The following FRAS1 variants were observed in gnomAD, a reference collection of about 807,000 sequenced individuals.
FRAS1 encodes Fraser extracellular matrix complex subunit 1.
A neutral mutation model predicts 435.2 loss-of-function variants in FRAS1; 290 were observed. The ratio of observed to expected loss-of-function variants is 0.67; its 90% CI spans 0.61 to 0.73. The LOEUF (loss-of-function observed/expected upper bound fraction) is 0.73, where lower values mean the gene tolerates loss of function less well. Among genes scored for constraint, FRAS1 ranks in the 30% least tolerant of loss-of-function variants. FRAS1 has a pLI of 0.00. For missense variants in FRAS1, 4,860 were observed against 5,001.5 expected, an observed-to-expected ratio of 0.97 and a Z score of 0.85; for synonymous variants, 1,800 against 1,851.0, an observed-to-expected ratio of 0.97 and a Z score of 0.71.
chr4:78,209,612 C>A lies in FRAS1; in HGVS notation c.109-27898C>A, dbSNP rs938748502. ...GTCAATAGTCTATATCTTATACTTT[C>A]CTTGGGTCCCCAGTTGGAGTGAGCC... On this transcript the variant is annotated intron_variant, in intron 2 of 73. Coordinates refer to ENST00000512123, the MANE Select transcript of FRAS1 (RefSeq NM_025074.7). Among the ~76,000 whole-genome samples, 10 of 152,230 alleles carry A rather than the reference C, an allele frequency of 6.6e-5. No individual in the cohort carries two copies. The East Asian group carries it at 1.9e-3, about 29-fold the overall frequency.
chr4:78,164,708 A>G (rs1721269370), intron 2 of FRAS1, among the ~76,000 whole-genome samples: 1 of 152,180 alleles, frequency 6.6e-6, no homozygotes, highest in Admixed American at 6.5e-5. Context: ...CTTAGTTAAT[A>G]TCTTTTTCCT....
chr4:78,073,491 G>A (rs946899042), intron 2 of FRAS1, among the ~76,000 whole-genome samples: 1 of 152,100 alleles, frequency 6.6e-6, no homozygotes, highest in Admixed American at 6.6e-5. Flanking sequence ...TTAAGTTTGT[G>A]ACATTTTCAC....
intron 20 of FRAS1, among the ~76,000 whole-genome samples, chr4:78,360,725 A>C (rs1731043769): frequency 6.6e-6 from 1 of 152,156 alleles, no homozygotes; most frequent in Admixed American, 6.5e-5. Context: ...CTGCTGGGTG[A>C]GGGGGAAGGA....
In FRAS1 at chr4:78,057,938, G is replaced by T. The variant is rs1426560299; in HGVS notation, c.-72G>T. On this transcript the variant is annotated 5_prime_UTR_variant, in exon 1 of 74. Transcript: ENST00000512123. This position sits in a 1 kb window ranked among gnomAD's most constrained non-coding sequence, Gnocchi z 4.2. ...GTGCGCCCGGGTTCCAAGCGCCGGA[G>T]CCAGCGTTTTGGCGGAGCCGCTTCT... 1 of 1,470,886 alleles carries T rather than the reference G, an allele frequency of 6.8e-7. No individual in the cohort carries two copies. The highest frequency in any genetic ancestry group is 1.4e-5 in the African/African-American group (1 of 71,882). The allele number at this position is 1,470,886 out of a possible 1,614,324, so 91.1% of individuals were successfully genotyped here.
chr4:78,369,982 A>G lies in FRAS1; in HGVS notation c.2867A>G (p.Lys956Arg). ...YYLDFSTNTCKECDWSCSACS... is the reference protein window; with the variant it reads ...YYLDFSTNTCRECDWSCSACS... ...CTTGACTTCTCCACCAACACGTGCA[A>G]AGGTAAAGCTCTTCCTGAATTGTGT... is the stretch of plus-strand genomic sequence containing the variant. Residue 956 changes from lysine to arginine, a missense_variant and splice_region_variant, in exon 23 of 74, where the codon AAA (lysine) becomes AGA (arginine). By Grantham distance (26) the Lys-to-Arg change is conservative. Coordinates refer to ENST00000512123, the MANE Select transcript of FRAS1 (RefSeq NM_025074.7). 1 of 1,612,836 alleles carries G rather than the reference A, an allele frequency of 6.2e-7. No homozygotes were observed. Among genetic ancestry groups the G allele is most frequent in the South Asian group, 1.1e-5 (1 of 90,836 alleles).
rs1251960424 is a variant in FRAS1 at position 78,215,057 on chromosome 4, A to G, written c.109-22453A>G. 2.0e-5 allele frequency among the ~76,000 whole-genome samples: 3 copies of G among 152,180 alleles called. No individual in the cohort carries two copies. In the East Asian group the frequency reaches 5.8e-4, roughly 29 times the overall value. On this transcript the variant is annotated intron_variant, in intron 2 of 73. Coordinates refer to ENST00000512123, the MANE Select transcript of FRAS1 (RefSeq NM_025074.7). ...GCTAAGTGTCAAGATGCAGAGAGAA[A>G]TGAGGTTTGGGGTACACCTGATGGC... is the stretch of plus-strand genomic sequence containing the variant.
intron 2 of FRAS1, among the ~76,000 whole-genome samples, chr4:78,152,799 G>A (rs563113374): frequency 6.6e-6 from 1 of 151,934 alleles, no homozygotes; most frequent in South Asian, 2.1e-4. Context: ...TTGCTCCTTT[G>A]GTTGGATCTA....
At chr4:78,533,594 G>A (rs1341852317) in intron 70 of FRAS1, among the ~76,000 whole-genome samples, 1 of 152,374 alleles carries the variant, frequency 6.6e-6, no homozygotes, top group East Asian at 1.9e-4. Context: ...TGCGTTGCAT[G>A]ATAGATGTAG....
intron 29 of FRAS1, among the ~76,000 whole-genome samples, chr4:78,390,651 A>G (rs907488648): frequency 6.6e-6 from 1 of 152,228 alleles, no homozygotes; most frequent in Non-Finnish European, 1.5e-5. Flanking sequence ...ATCTTGTTAC[A>G]AGTGAGAGTA....
chr4:78,534,710 C>A, intron 71 of FRAS1, 95 bp downstream of exon 71: 1 of 1,123,062 alleles, frequency 8.9e-7, no homozygotes, highest in Non-Finnish European at 1.3e-6. Flanking sequence ...CATATGCTCT[C>A]AGTCACCACC....
At chr4:78,394,299 AAGGAGAATTTCCCCT>A in intron 29 of FRAS1, among the ~76,000 whole-genome samples, 1 of 151,946 alleles carries the variant, frequency 6.6e-6, no homozygotes, top group East Asian at 1.9e-4. Context: ...GACCTATATC[AAGGAGAATTTCCCCT>A]ATGTTTTCTT....
intron 20 of FRAS1, among the ~76,000 whole-genome samples, chr4:78,360,812 G>T (rs1415349866): frequency 6.6e-6 from 1 of 152,176 alleles, no homozygotes; most frequent in Non-Finnish European, 1.5e-5. Context: ...GAGATCCCAA[G>T]ATCAGATAAA....
intron 2 of FRAS1, among the ~76,000 whole-genome samples, chr4:78,218,513 T>C (rs1723902059): frequency 6.6e-6 from 1 of 152,202 alleles, no homozygotes; most frequent in African/African-American, 2.4e-5. Context: ...GATCATCAAG[T>C]GCATACTGTT....
In FRAS1 at chr4:78,286,539, G is replaced by C; in HGVS notation, c.1534G>C (p.Val512Leu). Residue 512 changes from valine (V) to leucine (L), a missense_variant and splice_region_variant, in exon 14 of 74, where the codon GTC becomes CTC. By Grantham distance (32) the Val-to-Leu change is conservative. Transcript: ENST00000512123. ...GFYQDRHSCAVCHESCAGCWG... is the reference protein window; with the variant it reads ...GFYQDRHSCALCHESCAGCWG... Reference sequence around the variant, plus strand: ...CTACCAAGATCGCCATTCCTGTGCAGGTAATCTCTGGCTGGGCCACAGTTG... The same window carrying C: ...CTACCAAGATCGCCATTCCTGTGCACGTAATCTCTGGCTGGGCCACAGTTG... The C allele has an allele frequency of 6.2e-7, 1 of 1,611,278 alleles. No homozygotes were observed. The highest frequency in any genetic ancestry group is 2.2e-5 in the East Asian group (1 of 44,850).
At chr4:78,245,769 G>A (rs1360749899) in intron 4 of FRAS1, among the ~76,000 whole-genome samples, 3 of 152,096 alleles carry the variant, frequency 2.0e-5, no homozygotes, top group African/African-American at 7.2e-5. Flanking sequence ...CTAGAACCCT[G>A]GTCTTCTGAC....
Position 78,338,719 on chromosome 4 carries a change from G to A in FRAS1, c.2422+902G>A, listed in dbSNP as rs548087498. Among the ~76,000 whole-genome samples the A allele has an allele frequency of 7.2e-5, 11 of 152,296 alleles. No homozygotes were observed. The South Asian group carries it at 8.3e-4, about 11-fold the overall frequency. On this transcript the variant is annotated intron_variant, in intron 20 of 73. Transcript: ENST00000512123. ...CTGGAGCAGGGAAGAGGCATGGCCA[G>A]TTGTCTAGATCACAGTATCCAGCAG...
At chr4:78,476,333 G>A (rs541281947) in intron 54 of FRAS1, among the ~76,000 whole-genome samples, 12 of 152,130 alleles carry the variant, frequency 7.9e-5, no homozygotes, top group Non-Finnish European at 1.5e-4. Context: ...GGTAATTAAA[G>A]GTGGCAATGA....
At chr4:78,180,966 T>A (rs1327090735) in intron 2 of FRAS1, 9 of 1,610,460 alleles carry the variant, frequency 5.6e-6, no homozygotes, top group Middle Eastern at 1.7e-4. Flanking sequence ...ACCACGCCCA[T>A]GTCCACCTTG....
chr4:78,418,976 C>CATGA lies in FRAS1; in HGVS notation c.4454_4455insTGAA (p.Gln1485HisfsTer12). 1.2e-6 allele frequency: 2 copies of CATGA among 1,604,272 alleles called. No homozygotes were observed. Among genetic ancestry groups the CATGA allele is most frequent in the Non-Finnish European group, 1.7e-6 (2 of 1,175,526 alleles). ...TAGAGAAGATGGCCTGACTGTTATT[C>CATGA]AGCCTCATTCCCTCTCCTTCATAAA... is the stretch of plus-strand genomic sequence containing the variant. On this transcript the variant is annotated frameshift_variant, in exon 33 of 74. Coordinates refer to ENST00000512123, the MANE Select transcript of FRAS1 (RefSeq NM_025074.7). LOFTEE classifies it high-confidence loss of function.
Sources: allele counts gnomAD v4.1 joint callset (sites outside exome capture counted in the v4.1 genomes callset), GRCh38; gene constraint gnomAD v4.1.1; non-coding constraint Gnocchi (gnomAD v3.1); transcripts MANE v1.5; gene names NCBI Gene and HGNC (gene_info 2026-07-23, HGNC 2026-07-21).